CSMD1: variants seen among roughly 807,000 people sequenced by gnomAD.
CSMD1 encodes the protein CUB and sushi domain-containing protein 1.
CSMD1 carries 213 observed loss-of-function variants against 417.5 expected under a neutral mutation model. The ratio of observed to expected loss-of-function variants is 0.51; its 90% confidence interval spans 0.46 to 0.57. CSMD1 has a LOEUF of 0.57. Among genes scored for constraint, CSMD1 ranks in the 20% least tolerant of loss-of-function variants. The pLI is 0.00. For synonymous variants in CSMD1, 2,862 were observed against 1,736.8 expected, an observed-to-expected ratio of 1.65 and a Z score of -16.11; for missense variants, 6,923 against 4,529.7, an observed-to-expected ratio of 1.53 and a Z score of -15.17.
In CSMD1 at chr8:3,087,109, G is replaced by C. The variant is rs1191826371; in HGVS notation, c.7462C>G (p.Pro2488Ala). The C allele has an allele frequency of 6.2e-7, 1 of 1,613,132 alleles. No individual in the cohort carries two copies. Among genetic ancestry groups the C allele is most frequent in the Admixed American group, 1.7e-5 (1 of 60,002 alleles). The change falls in exon 49 of 70, where the codon CCA becomes GCA. Residue 2488 changes from proline (P) to alanine (A), a missense_variant. By Grantham distance (27) the Pro-to-Ala change is conservative (BLOSUM62 -1). Transcript: ENST00000635120. ...LGMYQWDSLT[P>A]LCQAVSCGIP... ...ACGCATTTCTTACCCTGGCAGAGTG[G>C]CGTGAGGGAGTCCCACTGGTACATG...
At chr8:3,961,707 C>A (rs774518953) in intron 5 of CSMD1, among the ~76,000 whole-genome samples, 22 of 152,072 alleles carry the variant, frequency 1.4e-4, no homozygotes, top group Non-Finnish European at 2.9e-4. Flanking sequence ...AAGATTGCTG[C>A]GATACTCATG....
intron 1 of CSMD1, among the ~76,000 whole-genome samples, chr8:4,924,177 C>T (rs1181408915): frequency 6.6e-6 from 1 of 151,998 alleles, no homozygotes; most frequent in Non-Finnish European, 1.5e-5. Context: ...ATTTGACAAT[C>T]TCTGCTAGAA....
intron 5 of CSMD1, among the ~76,000 whole-genome samples, chr8:3,964,528 G>C (rs764382114): frequency 3.3e-5 from 5 of 152,158 alleles, no homozygotes; most frequent in Non-Finnish European, 7.3e-5. Flanking sequence ...CTCATAGGAA[G>C]AAATGAGCAC....
chr8:3,756,874 C>A (rs1357873652), intron 5 of CSMD1, among the ~76,000 whole-genome samples: 1 of 152,110 alleles, frequency 6.6e-6, no homozygotes, highest in Non-Finnish European at 1.5e-5. Flanking sequence ...CAGCTCACAG[C>A]AGTCTCCGAC....
intron 2 of CSMD1, among the ~76,000 whole-genome samples, chr8:4,553,255 A>G (rs1563280610): frequency 6.6e-6 from 1 of 152,198 alleles, no homozygotes; most frequent in African/African-American, 2.4e-5. Context: ...TCATAAATGT[A>G]ACAGTTCCTC....
At chr8:4,070,376 G>C (rs140799026) in intron 3 of CSMD1, among the ~76,000 whole-genome samples, 1,603 of 152,104 alleles carry the variant, frequency 0.011, 12 homozygotes, top group Non-Finnish European at 0.016. Context: ...ATAATGTTTT[G>C]AGACAGAGTC....
intron 40 of CSMD1, among the ~76,000 whole-genome samples, chr8:3,146,068 G>A (rs1253688085): frequency 6.6e-6 from 1 of 152,136 alleles, no homozygotes; most frequent in Non-Finnish European, 1.5e-5. Flanking sequence ...TAATACCTAT[G>A]GAATTTATTG....
intron 12 of CSMD1, among the ~76,000 whole-genome samples, chr8:3,439,143 A>G (rs1814774612): frequency 1.5e-5 from 2 of 131,082 alleles, no homozygotes; most frequent in African/African-American, 6.3e-5. Flanking sequence ...AAAAAAAAAA[A>G]AAAAAAAAAC....
intron 63 of CSMD1, among the ~76,000 whole-genome samples, chr8:2,956,738 G>A (rs1388904227): frequency 6.6e-6 from 1 of 152,178 alleles, no homozygotes; most frequent in Non-Finnish European, 1.5e-5. Context: ...TTATAGGCAT[G>A]AGCCAGCATG....
intron 51 of CSMD1, among the ~76,000 whole-genome samples, chr8:3,020,535 T>C (rs1486256209): frequency 6.6e-6 from 1 of 152,086 alleles, no homozygotes; most frequent in Non-Finnish European, 1.5e-5. Flanking sequence ...CAGCTATTTA[T>C]TTTTTTAATT....
intron 54 of CSMD1, among the ~76,000 whole-genome samples, chr8:2,984,884 C>A (rs1302162906): frequency 1.3e-5 from 2 of 152,230 alleles, no homozygotes; most frequent in Non-Finnish European, 2.9e-5. Flanking sequence ...CGTATTTAAT[C>A]CAACACGTTT....
intron 12 of CSMD1, among the ~76,000 whole-genome samples, chr8:3,464,182 C>A (rs756396955): frequency 7.9e-5 from 12 of 152,118 alleles, no homozygotes; most frequent in Non-Finnish European, 1.5e-4. Context: ...TGCAGTTCAT[C>A]AACTAGTGTG....
chr8:3,044,825 T>C (rs770674042), intron 50 of CSMD1, among the ~76,000 whole-genome samples: 2 of 152,230 alleles, frequency 1.3e-5, no homozygotes, highest in Admixed American at 6.5e-5. Flanking sequence ...AGATTCAGTG[T>C]ACTGATCTAC....
At chr8:3,177,439 C>A (rs75360373) in intron 37 of CSMD1, among the ~76,000 whole-genome samples, 1,622 of 152,282 alleles carry the variant, frequency 0.011, 25 homozygotes, top group African/African-American at 0.037. Context: ...TGCAGGGGTG[C>A]AGCAAAACCT....
Position 4,886,316 on chromosome 8 carries a change from G to T in CSMD1, c.85+108016C>A, listed in dbSNP as rs192688171. ...TCACTTTGCATTTGAATATCTAGTTGTTCCAGCACTATATATATTTTTTTA... is the reference window on the plus strand; with the variant it reads ...TCACTTTGCATTTGAATATCTAGTTTTTCCAGCACTATATATATTTTTTTA... On this transcript the variant is annotated intron_variant, in intron 1 of 69. Transcript: ENST00000635120. 1.1e-3 allele frequency among the ~76,000 whole-genome samples: 166 copies of T among 151,942 alleles called. 2 individuals carry two copies. The highest frequency in any genetic ancestry group is 6.0e-3 in the Admixed American group (91 of 15,274).
At chr8:4,177,245 G>A (rs1229473401) in intron 3 of CSMD1, among the ~76,000 whole-genome samples, 1 of 152,156 alleles carries the variant, frequency 6.6e-6, no homozygotes, top group Admixed American at 6.5e-5. Flanking sequence ...ACACCACAGT[G>A]CAATCAAGCT....
rs542102487 is a variant in CSMD1 at position 3,441,103 on chromosome 8, G to C, written c.1561+27609C>G. On this transcript the variant is annotated intron_variant, in intron 12 of 69. Coordinates refer to ENST00000635120, the MANE Select transcript of CSMD1 (RefSeq NM_033225.6). ...CACCAAGAGAAACATGTGATATGAA[G>C]ACAGAGGTAGGAGTTCCAGCGGTGC... is the stretch of plus-strand genomic sequence containing the variant. Among the ~76,000 whole-genome samples, 9 of 152,250 alleles carry C rather than the reference G, an allele frequency of 5.9e-5. No homozygotes were observed. The South Asian group carries it at 1.2e-3, about 21-fold the overall frequency.
At chr8:4,143,784 G>C (rs1053846416) in intron 3 of CSMD1, among the ~76,000 whole-genome samples, 1 of 151,232 alleles carries the variant, frequency 6.6e-6, no homozygotes, top group Non-Finnish European at 1.5e-5. Flanking sequence ...CAGGGTGGGA[G>C]GGGGCCCAAG....
At chr8:4,731,889 T>C (rs1809897650) in intron 1 of CSMD1, among the ~76,000 whole-genome samples, 1 of 152,166 alleles carries the variant, frequency 6.6e-6, no homozygotes, top group Non-Finnish European at 1.5e-5. Flanking sequence ...TAACTGTCTC[T>C]TCTAATATTA....
Sources: gnomAD v4.1 joint callset for allele counts (sites outside exome capture counted in the v4.1 genomes callset) on GRCh38, gnomAD v4.1.1 for gene constraint, MANE v1.5 for transcripts, NCBI Gene and HGNC (gene_info 2026-07-23, HGNC 2026-07-21) for gene names.